Variants in CACNA1D observed in about 807,000 individuals in gnomAD.
The protein encoded by CACNA1D is voltage-dependent L-type calcium channel subunit alpha-1D.
CACNA1D carries 55 observed loss-of-function variants against 257.1 expected under a neutral mutation model. That is an observed-to-expected ratio of 0.21 (90% CI 0.17 to 0.27). The LOEUF is 0.27. Among genes scored for constraint, CACNA1D ranks in the 10% least tolerant of loss-of-function variants. The pLI is 1.00. For missense variants in CACNA1D, 1,876 were observed against 2,784.0 expected (o/e 0.67, Z 7.34); for synonymous variants, 980 against 1,014.9 (o/e 0.97, Z 0.65).
chr3:53,776,746 T>C lies in CACNA1D; in HGVS notation c.4490+16T>C, dbSNP rs770705699. The C allele has an allele frequency of 6.2e-7, 1 of 1,614,116 alleles. No homozygotes were observed. The highest frequency in any genetic ancestry group is 2.2e-5 in the East Asian group (1 of 44,900). ...CTGAGGCAAAGTAGGTTGAAAAATA[T>C]TTGATTTGGCGTGTGTGGGTGGATT... On this transcript the variant is annotated intron_variant, in intron 36 of 47. Transcript: ENST00000350061.
chr3:53,779,838 G>T (rs2095416746), intron 37 of CACNA1D, among the ~76,000 whole-genome samples, 188 bp from the exon 38 acceptor site: 4 of 152,088 alleles, frequency 2.6e-5, no homozygotes, highest in Admixed American at 6.5e-5. Flanking sequence ...AACCAAATTG[G>T]CATCTCGTGG....
chr3:53,784,096 C>G (rs138969054), intron 39 of CACNA1D, among the ~76,000 whole-genome samples: 1 of 152,342 alleles, frequency 6.6e-6, no homozygotes, highest in Non-Finnish European at 1.5e-5. Context: ...AGCTGTGGAT[C>G]TGTGGATACA....
chr3:53,654,885 C>G (rs142679163), intron 4 of CACNA1D, among the ~76,000 whole-genome samples: 2,100 of 152,050 alleles, frequency 0.014, 26 homozygotes, highest in Non-Finnish European at 0.022. Flanking sequence ...AAATCCAAAA[C>G]AGGCAAGGAA....
chr3:53,716,891 C>T (rs77441070), intron 9 of CACNA1D, among the ~76,000 whole-genome samples: 1,871 of 152,298 alleles, frequency 0.012, 44 homozygotes, highest in African/African-American at 0.042. Flanking sequence ...AGCCAGGTTC[C>T]ACCTCTATCC....
In CACNA1D at chr3:53,666,566, TGTTCTTTGCTTGGATAA is replaced by T. The variant is rs1432420188; in HGVS notation, c.1116+34_1116+50del. On this transcript the variant is annotated intron_variant, in intron 7 of 47. Transcript: ENST00000350061. ...TACCCTGGGGAGAGAGTTTATGGAG[TGTTCTTTGCTTGGATAA>T]GTGGGTTTTGTGAGCTAGAGCCACT... The T allele has an allele frequency of 7.6e-6, 12 of 1,575,818 alleles. 1 individual carries two copies. Among genetic ancestry groups the T allele is most frequent in the Non-Finnish European group, 1.0e-5 (12 of 1,145,910 alleles).
In CACNA1D at chr3:53,770,505, G is replaced by C; in HGVS notation, c.3997G>C (p.Gly1333Arg). ...VMRLVKLLSR[G>R]EGIRTLLWTF... ...GCGATTGGTGAAGCTTCTCAGCAGGGGGGAAGGCATCCGGACATTGCTGTG... is the reference window on the plus strand; with the variant it reads ...GCGATTGGTGAAGCTTCTCAGCAGGCGGGAAGGCATCCGGACATTGCTGTG... The change falls in exon 32 of 48, where the codon GGG becomes CGG. Residue 1333 changes from glycine to arginine, a missense_variant. Gly to Arg is a moderately radical substitution (Grantham distance 125). This residue lies in a region of CACNA1D where 204 missense variants were observed against 309.4 expected (regional missense o/e 0.66). Coordinates refer to ENST00000350061, the MANE Select transcript of CACNA1D (RefSeq NM_001128840.3). 6.2e-7 allele frequency: 1 copy of C among 1,613,804 alleles called. No individual in the cohort carries two copies. The highest frequency in any genetic ancestry group is 2.2e-5 in the East Asian group (1 of 44,878).
intron 39 of CACNA1D, 85 bp from the exon 40 acceptor site, chr3:53,786,737 G>GGC: frequency 2.4e-6 from 1 of 416,606 alleles, no homozygotes; most frequent in Non-Finnish European, 4.1e-6. Context: ...CTCTGCCCCT[G>GGC]CCCCTGCCCC....
chr3:53,800,529 C>A lies in CACNA1D; in HGVS notation c.5040+164C>A. ...CCCTCCCCCTCTTACAGACCCTCCC[C>A]AGGCATCAGCACCTCTTCTAGGGCC... is the stretch of plus-strand genomic sequence containing the variant. On this transcript the variant is annotated intron_variant, in intron 41 of 47. Coordinates refer to ENST00000350061, the MANE Select transcript of CACNA1D (RefSeq NM_001128840.3). This position sits in a 1 kb window ranked among gnomAD's most constrained non-coding sequence, Gnocchi z 4.3. The A allele has an allele frequency of 2.8e-6, 2 of 711,922 alleles. No homozygotes were observed. Among genetic ancestry groups the A allele is most frequent in the South Asian group, 1.5e-5 (1 of 68,676 alleles). The allele number at this position is 711,922 out of a possible 1,614,324, so 44.1% of individuals were successfully genotyped here.
At chr3:53,772,331 C>G (rs1265224638) in intron 32 of CACNA1D, among the ~76,000 whole-genome samples, 2 of 152,200 alleles carry the variant, frequency 1.3e-5, no homozygotes, top group Non-Finnish European at 2.9e-5. Context: ...TAATTCCACT[C>G]CTAAGACTTC....
chr3:53,592,330 C>T (rs909988881), intron 3 of CACNA1D, among the ~76,000 whole-genome samples: 3 of 152,094 alleles, frequency 2.0e-5, no homozygotes, highest in African/African-American at 7.2e-5. Flanking sequence ...GGCACCCAGC[C>T]TGGCTGAGAG....
Position 53,808,666 on chromosome 3 carries a change from T to G in CACNA1D, c.5767T>G (p.Phe1923Val). The G allele has an allele frequency of 6.3e-7, 1 of 1,595,430 alleles. No homozygotes were observed. The highest frequency in any genetic ancestry group is 8.6e-7 in the Non-Finnish European group (1 of 1,167,162). ...PTPASHRRSSFNFECLRRQSS... is the reference protein window; with the variant it reads ...PTPASHRRSSVNFECLRRQSS... ...TTTCCCAGCCCACCGGAGATCCTCCTTCAACTTTGAGTGCCTGCGCCGGCA... is the reference window on the plus strand; with the variant it reads ...TTTCCCAGCCCACCGGAGATCCTCCGTCAACTTTGAGTGCCTGCGCCGGCA... The change falls in exon 46 of 48, where the codon TTC becomes GTC. Residue 1923 changes from phenylalanine (F) to valine (V), a missense_variant. Physicochemically the swap from Phe to Val is conservative, Grantham distance 50. Around this residue, in one of 10 missense-constraint regions of CACNA1D, gnomAD observed 491 missense variants for 554.3 expected, o/e 0.89. Coordinates refer to ENST00000350061, the MANE Select transcript of CACNA1D (RefSeq NM_001128840.3).
intron 3 of CACNA1D, among the ~76,000 whole-genome samples, chr3:53,600,028 G>C (rs1260939664): frequency 2.0e-5 from 3 of 152,252 alleles, no homozygotes; most frequent in Non-Finnish European, 4.4e-5. Flanking sequence ...TCTCAGCCTT[G>C]AGATATTCTG....
chr3:53,743,521 C>G (rs2095137244), intron 22 of CACNA1D, among the ~76,000 whole-genome samples: 1 of 152,204 alleles, frequency 6.6e-6, no homozygotes. Flanking sequence ...GTTTTTCCAG[C>G]TTAGATATTG....
chr3:53,524,292 C>G (rs2091683464), intron 3 of CACNA1D, among the ~76,000 whole-genome samples: 1 of 152,186 alleles, frequency 6.6e-6, no homozygotes, highest in South Asian at 2.1e-4. Flanking sequence ...AGGGAGAGGG[C>G]AAGCACAGAA....
chr3:53,694,563 C>G (rs1263857459), intron 8 of CACNA1D, among the ~76,000 whole-genome samples: 1 of 152,170 alleles, frequency 6.6e-6, no homozygotes, highest in Non-Finnish European at 1.5e-5. Context: ...GCAACAATGC[C>G]TCGTTGAGCC....
At chr3:53,509,570 C>A (rs774136611) in intron 3 of CACNA1D, among the ~76,000 whole-genome samples, 1 of 152,068 alleles carries the variant, frequency 6.6e-6, no homozygotes, top group Non-Finnish European at 1.5e-5. Flanking sequence ...AATGAGTGAA[C>A]GCGAGGTGAG....
chr3:53,677,272 A>G (rs897792391), intron 8 of CACNA1D, among the ~76,000 whole-genome samples: 7 of 151,926 alleles, frequency 4.6e-5, no homozygotes, highest in Non-Finnish European at 1.0e-4. Context: ...TGTGGCTCCA[A>G]CCCCCAGGAA....
chr3:53,637,069 T>C (rs2093893214), intron 3 of CACNA1D, among the ~76,000 whole-genome samples: 1 of 152,176 alleles, frequency 6.6e-6, no homozygotes, highest in South Asian at 2.1e-4. Flanking sequence ...TATTCTTCTG[T>C]CCTAAATATT....
At position 53,732,164 on chromosome 3, in the gene CACNA1D, A is replaced by G. The variant is rs374796639; in HGVS notation, c.2473+82A>G. ...GTGACCACCTGCCGAGTCTGCGGCC[A>G]GCCAGCCCAGCAGCGTGCACATGAG... On this transcript the variant is annotated intron_variant, in intron 18 of 47. Transcript: ENST00000350061. 1.7e-5 allele frequency: 18 copies of G among 1,086,794 alleles called. No individual in the cohort carries two copies. The East Asian group carries it at 1.7e-4, about 10-fold the overall frequency. 67.3% of individuals were successfully genotyped at this position (1,086,794 alleles called of 1,614,324 possible).
Sources: gnomAD v4.1 joint callset for allele counts (sites outside exome capture counted in the v4.1 genomes callset) on GRCh38, gnomAD v4.1.1 for gene constraint, gnomAD v4.1.1 regional missense constraint, Gnocchi (gnomAD v3.1) non-coding constraint, MANE v1.5 for transcripts, NCBI Gene and HGNC (gene_info 2026-07-23, HGNC 2026-07-21) for gene names.